Variants in ERI1 observed in about 807,000 individuals in gnomAD.
ERI1 encodes the protein 3'-5' exoribonuclease 1.
ERI1 carries 39 observed loss-of-function variants against 39.7 expected under a neutral mutation model. That is an observed-to-expected ratio of 0.98 (90% CI 0.76 to 1.28). The LOEUF (loss-of-function observed/expected upper bound fraction) is 1.28, where lower values mean the gene tolerates loss of function less well. ERI1 is among the 50% of genes most tolerant of loss of function. The pLI, the probability that ERI1 is intolerant of heterozygous loss-of-function variation, is 0.00. For synonymous variants in ERI1, 204 were observed against 149.6 expected, an observed-to-expected ratio of 1.36 and a Z score of -2.65; for missense variants, 581 against 416.9, an observed-to-expected ratio of 1.39 and a Z score of -3.43.
chr8:9,082,287 A>G (rs910764654), intron 3 of ERI1, among the ~76,000 whole-genome samples: 3 of 152,146 alleles, frequency 2.0e-5, no homozygotes, highest in South Asian at 2.1e-4. Flanking sequence ...GGCAAGTAAC[A>G]TGTTGACTCA....
intron 3 of ERI1, among the ~76,000 whole-genome samples, chr8:9,015,318 C>T (rs181286368): frequency 6.6e-6 from 1 of 152,132 alleles, no homozygotes; most frequent in Non-Finnish European, 1.5e-5. Context: ...ATATCTACTA[C>T]CTAGGATTAA....
intron 2 of ERI1, among the ~76,000 whole-genome samples, chr8:9,008,776 A>G (rs979675548): frequency 2.6e-5 from 4 of 152,234 alleles, no homozygotes; most frequent in African/African-American, 9.6e-5. Context: ...TTTGGAGTCC[A>G]GAAAAATACA....
intron 3 of ERI1, among the ~76,000 whole-genome samples, chr8:9,059,859 A>G (rs1798634137): frequency 6.6e-6 from 1 of 152,174 alleles, no homozygotes; most frequent in Non-Finnish European, 1.5e-5. Context: ...GTATGACTAG[A>G]CAGAAGATAG....
chr8:9,091,018 G>C (rs1032364290), intron 3 of ERI1, among the ~76,000 whole-genome samples: 1 of 152,142 alleles, frequency 6.6e-6, no homozygotes, highest in African/African-American at 2.4e-5. Context: ...GGACACCAAT[G>C]ATCTTCTGAA....
intron 3 of ERI1, among the ~76,000 whole-genome samples, chr8:9,082,110 C>G (rs944842401): frequency 3.3e-5 from 5 of 152,128 alleles, no homozygotes; most frequent in African/African-American, 9.7e-5. Flanking sequence ...ATATTTCTTA[C>G]GACTCCAGGA....
intron 2 of ERI1, among the ~76,000 whole-genome samples, chr8:9,010,511 G>A (rs1816550485): frequency 6.6e-6 from 1 of 151,892 alleles, no homozygotes; most frequent in Non-Finnish European, 1.5e-5. Context: ...TATTTTCATG[G>A]GTAGGATTTT....
At chr8:9,089,743 C>G (rs1799646736) in intron 3 of ERI1, among the ~76,000 whole-genome samples, 1 of 152,116 alleles carries the variant, frequency 6.6e-6, no homozygotes, top group Non-Finnish European at 1.5e-5. Flanking sequence ...GGAGCGATGC[C>G]TTGGGTTTTT....
rs1019338291 is a variant in ERI1 at position 9,033,071 on chromosome 8, A to G, written c.*3037A>G. The G allele has an allele frequency of 1.3e-5, 2 of 152,078 alleles. No homozygotes were observed. The highest frequency in any genetic ancestry group is 4.8e-5 in the African/African-American group (2 of 41,398). 9.4% of individuals were successfully genotyped at this position (152,078 alleles called of 1,614,324 possible). A position where few individuals can be genotyped will look rare whatever the true frequency, so the allele number is the denominator to read the frequency against. On this transcript the variant is annotated 3_prime_UTR_variant, in exon 7 of 7. Coordinates refer to ENST00000250263, the MANE Select transcript of ERI1 (RefSeq NM_153332.4). ...GACAGCATTACATCTTTTTTCTATT[A>G]TACTTAGAAATTTCCTCTTTGTTCT...
chr8:9,072,761 C>T lies in ERI1; in HGVS notation n.300-43587C>T, dbSNP rs139096460. Among the ~76,000 whole-genome samples the T allele has an allele frequency of 2.7e-4, 41 of 152,244 alleles. No individual in the cohort carries two copies. The East Asian group carries it at 7.1e-3, about 27-fold the overall frequency. On this transcript the variant is annotated intron_variant and non_coding_transcript_variant, in intron 3 of 3. Transcript: ENST00000518663. ...TGTGCTCTGCCACAGTGCTAAGGAA[C>T]AGAGTGACCCCCCACCCCACTCCCG...
intron 3 of ERI1, among the ~76,000 whole-genome samples, chr8:9,087,787 A>G (rs1799577822): frequency 6.6e-6 from 1 of 152,128 alleles, no homozygotes. Context: ...GAGGTTCCCT[A>G]CTTTCACAGA....
At position 9,030,213 on chromosome 8, in the gene ERI1, T is replaced by C. The variant is rs1797490121; in HGVS notation, c.*179T>C. 2.6e-6 allele frequency: 2 copies of C among 776,136 alleles called. No homozygotes were observed. Among genetic ancestry groups the C allele is most frequent in the South Asian group, 3.9e-5 (2 of 51,370 alleles). The allele number at this position is 776,136 out of a possible 1,614,324, so 48.1% of individuals were successfully genotyped here. On this transcript the variant is annotated 3_prime_UTR_variant, in exon 7 of 7. Coordinates refer to ENST00000250263, the MANE Select transcript of ERI1 (RefSeq NM_153332.4). ...AGATTTTGTAGGAAGGCATACTGAA[T>C]TCTTTGTCACCAGCACTTTTGATAT... is the stretch of plus-strand genomic sequence containing the variant.
chr8:9,016,253 C>A, intron 3 of ERI1, 69 bp from the exon 4 acceptor site: 1 of 868,150 alleles, frequency 1.2e-6, no homozygotes, highest in Non-Finnish European at 1.8e-6. Flanking sequence ...GTGATGAATT[C>A]GTCGTGTATC....
chr8:9,017,132 C>T (rs1585205756), intron 4 of ERI1, among the ~76,000 whole-genome samples: 1 of 151,960 alleles, frequency 6.6e-6, no homozygotes, highest in African/African-American at 2.4e-5. Context: ...CTCTGCCTCC[C>T]AGGTTCAAGC....
At position 9,020,395 on chromosome 8, in the gene ERI1, C is replaced by G. The variant is rs1817753561; in HGVS notation, c.738C>G (p.Ser246Arg). ...TCTTGAACATTCAGTGTCAACTCAG[C>G]AGGCTCAAATACCCTCCTTTTGCGA... ...SKFLNIQCQL[S>R]RLKYPPFAKK... is the part of the protein sequence containing the mutation. Residue 246 changes from serine (S) to arginine (R), a missense_variant, in exon 6 of 7, where the codon AGC becomes AGG. Physicochemically the swap from Ser to Arg is moderately radical, Grantham distance 110. Transcript: ENST00000250263. The G allele has an allele frequency of 3.7e-6, 6 of 1,606,524 alleles. No homozygotes were observed. The highest frequency in any genetic ancestry group is 1.3e-5 in the African/African-American group (1 of 74,760).
intron 3 of ERI1, among the ~76,000 whole-genome samples, chr8:9,075,943 T>C (rs1370397398): frequency 6.6e-6 from 1 of 152,120 alleles, no homozygotes; most frequent in Non-Finnish European, 1.5e-5. Context: ...TGGCTTTTTT[T>C]TGGAGACAGG....
chr8:9,082,047 G>A (rs1390982676), intron 3 of ERI1, among the ~76,000 whole-genome samples: 1 of 152,044 alleles, frequency 6.6e-6, no homozygotes, highest in Non-Finnish European at 1.5e-5. Context: ...CACCCCATTA[G>A]AACTCTTAAT....
At chr8:9,004,060 C>A (rs1815683099) in intron 1 of ERI1, 1 of 1,288,806 alleles carries the variant, frequency 7.8e-7, no homozygotes, top group Non-Finnish European at 1.0e-6. Flanking sequence ...CAGTTTTTTC[C>A]CTTTTGTTCC....
At chr8:9,033,672 T>G (rs532184311), downstream of ERI1, among the ~76,000 whole-genome samples, 5 of 152,348 alleles carry the variant, frequency 3.3e-5, no homozygotes, top group Admixed American at 2.6e-4. Flanking sequence ...CTCTGCAGTT[T>G]ACAGATGGGA....
chr8:9,013,170 A>C (rs930592553), intron 3 of ERI1, among the ~76,000 whole-genome samples: 1 of 151,784 alleles, frequency 6.6e-6, no homozygotes. Flanking sequence ...GTGTGTCACC[A>C]CGCCCGGCTA....
Sources: allele counts gnomAD v4.1 joint callset (sites outside exome capture counted in the v4.1 genomes callset), GRCh38; gene constraint gnomAD v4.1.1; transcripts MANE v1.5; gene names NCBI Gene and HGNC (gene_info 2026-07-23, HGNC 2026-07-21).